Variants in HECW1 observed in about 807,000 individuals in gnomAD.
HECW1 encodes E3 ubiquitin-protein ligase HECW1.
Under a neutral mutation model 182.3 loss-of-function variants are expected in HECW1, and 61 were observed. The ratio of observed to expected loss-of-function variants is 0.33; its 90% CI spans 0.27 to 0.41. HECW1 has a LOEUF of 0.41. Among genes scored for constraint, HECW1 ranks in the 10% least tolerant of loss-of-function variants. The pLI is 1.00. For missense variants in HECW1, 1,739 were observed against 2,108.9 expected (o/e 0.82, Z 3.44); for synonymous variants, 859 against 832.6 (o/e 1.03, Z -0.55).
intron 2 of HECW1, among the ~76,000 whole-genome samples, chr7:43,234,289 G>A (rs1424055401): frequency 1.3e-5 from 2 of 152,292 alleles, no homozygotes; most frequent in South Asian, 2.1e-4. Flanking sequence ...CAGCCAGAGA[G>A]CCCCTGCTCG....
intron 23 of HECW1, 89 bp from the exon 24 acceptor site, chr7:43,508,880 C>G (rs2079720330): frequency 2.8e-6 from 4 of 1,430,326 alleles, no homozygotes; most frequent in Non-Finnish European, 2.9e-6. Flanking sequence ...GCACCCAACT[C>G]TGAAAGGGCA....
intron 2 of HECW1, among the ~76,000 whole-genome samples, chr7:43,124,500 C>A (rs1041844413): frequency 2.6e-5 from 4 of 152,220 alleles, no homozygotes; most frequent in African/African-American, 9.6e-5. Flanking sequence ...ATTTTCCACA[C>A]AGTGAAACAC....
At chr7:43,118,548 G>A (rs1284255343) in intron 2 of HECW1, 1 of 152,252 alleles carries the variant, frequency 6.6e-6, no homozygotes, top group Non-Finnish European at 1.5e-5. Context: ...ACACACAGAT[G>A]AGCTGAAGAA....
At chr7:43,488,456 GA>G (rs1263974771) in intron 17 of HECW1, among the ~76,000 whole-genome samples, 3 of 145,052 alleles carry the variant, frequency 2.1e-5, no homozygotes, top group African/African-American at 7.9e-5. Context: ...AAGAAAGAAA[GA>G]AAGAAAGAAA....
At chr7:43,242,842 C>T (rs923283056) in intron 2 of HECW1, among the ~76,000 whole-genome samples, 5 of 152,136 alleles carry the variant, frequency 3.3e-5, no homozygotes, top group Admixed American at 1.3e-4. Context: ...GGGTGCTGCA[C>T]GGTGTGCGTC....
At chr7:43,431,008 C>T (rs905530330) in intron 8 of HECW1, among the ~76,000 whole-genome samples, 4 of 151,772 alleles carry the variant, frequency 2.6e-5, no homozygotes, top group Non-Finnish European at 5.9e-5. Context: ...TCTCCAACTT[C>T]TGAGCATTCC....
At chr7:43,370,798 T>A (rs868722489) in intron 6 of HECW1, among the ~76,000 whole-genome samples, 3 of 151,826 alleles carry the variant, frequency 2.0e-5, no homozygotes, top group African/African-American at 7.3e-5. Context: ...TCCAAACATA[T>A]GGAGACAGTA....
chr7:43,320,595 A>C, intron 4 of HECW1, 40 bp from the exon 5 acceptor site: 2 of 1,342,572 alleles, frequency 1.5e-6, no homozygotes, highest in East Asian at 4.6e-5. Context: ...CTGTTGACTG[A>C]TATGTTTCTC....
At chr7:43,141,285 C>A (rs773978341) in intron 2 of HECW1, among the ~76,000 whole-genome samples, 14 of 152,142 alleles carry the variant, frequency 9.2e-5, no homozygotes, top group Non-Finnish European at 1.9e-4. Flanking sequence ...CCCACCCCCA[C>A]GGCCCTGGAA....
intron 7 of HECW1, among the ~76,000 whole-genome samples, chr7:43,402,596 T>C (rs1322914415): frequency 6.6e-6 from 1 of 152,174 alleles, no homozygotes; most frequent in East Asian, 1.9e-4. Context: ...TAAAATAATA[T>C]GTAAGCATGT....
chr7:43,474,511 A>G (rs555463966), intron 16 of HECW1, among the ~76,000 whole-genome samples: 1 of 152,274 alleles, frequency 6.6e-6, no homozygotes, highest in African/African-American at 2.4e-5. Flanking sequence ...ATTTTATATT[A>G]ATCAATGGCA....
At chr7:43,426,703 T>C (rs2076373996) in intron 8 of HECW1, among the ~76,000 whole-genome samples, 1 of 152,214 alleles carries the variant, frequency 6.6e-6, no homozygotes, top group Admixed American at 6.5e-5. Context: ...GATTATCTGA[T>C]CCAAGAAATT....
chr7:43,342,451 A>G (rs1003080418), intron 5 of HECW1, among the ~76,000 whole-genome samples: 1 of 151,760 alleles, frequency 6.6e-6, no homozygotes, highest in African/African-American at 2.4e-5. Context: ...AATGTTGATT[A>G]TTTCTCTAAA....
At chr7:43,121,025 A>T (rs1418940727) in intron 2 of HECW1, among the ~76,000 whole-genome samples, 1 of 152,080 alleles carries the variant, frequency 6.6e-6, no homozygotes, top group Non-Finnish European at 1.5e-5. Context: ...CTCTGAGCAT[A>T]TATCTTCCCT....
chr7:43,536,729 C>G (rs1328863234), intron 24 of HECW1, among the ~76,000 whole-genome samples: 1 of 152,168 alleles, frequency 6.6e-6, no homozygotes, highest in Non-Finnish European at 1.5e-5. Flanking sequence ...AACATGGTAG[C>G]TGTTCCCTCC....
intron 3 of HECW1, among the ~76,000 whole-genome samples, chr7:43,299,892 G>A (rs556161107): frequency 6.6e-6 from 1 of 152,220 alleles, no homozygotes; most frequent in South Asian, 2.1e-4. Context: ...CCATTCCCCT[G>A]AATAATTGCT....
At chr7:43,443,641 C>T (rs996332018) in intron 10 of HECW1, among the ~76,000 whole-genome samples, 8 of 152,136 alleles carry the variant, frequency 5.3e-5, no homozygotes, top group East Asian at 3.9e-4. Context: ...AGGTGAAGAC[C>T]TTGTTTTTTT....
At chr7:43,358,598 A>G (rs1371288283) in intron 5 of HECW1, among the ~76,000 whole-genome samples, 1 of 152,232 alleles carries the variant, frequency 6.6e-6, no homozygotes, top group Non-Finnish European at 1.5e-5. Context: ...AAATTTAAAT[A>G]GCTGATTAAA....
chr7:43,520,509 C>T (rs975017876), intron 24 of HECW1, among the ~76,000 whole-genome samples: 1 of 152,128 alleles, frequency 6.6e-6, no homozygotes, highest in Admixed American at 6.6e-5. Flanking sequence ...TTTACATGGG[C>T]GCAAATTTCC....
Sources: allele counts gnomAD v4.1 joint callset (sites outside exome capture counted in the v4.1 genomes callset), GRCh38; gene constraint gnomAD v4.1.1; transcripts MANE v1.5; gene names NCBI Gene and HGNC (gene_info 2026-07-23, HGNC 2026-07-21).